NAALADL2: variants seen among roughly 807,000 people sequenced by gnomAD.
NAALADL2 encodes the protein N-acetylated alpha-linked acidic dipeptidase like 2.
Under a neutral mutation model 87.2 loss-of-function variants are expected in NAALADL2, and 76 were observed. That is an observed-to-expected ratio of 0.87 (90% CI 0.72 to 1.05). The LOEUF is 1.05. Ranked by LOEUF, NAALADL2 falls within the 50% of genes least tolerant of loss-of-function variation. The probability of loss-of-function intolerance (pLI) is 0.00; values close to 1 mark genes in which losing one functional copy is unlikely to be tolerated. For synonymous variants in NAALADL2, 354 were observed against 331.0 expected (o/e 1.07, Z -0.75); for missense variants, 1,089 against 945.8 (o/e 1.15, Z -1.99).
At chr3:174,538,524 TG>T (rs1311155147) in intron 1 of NAALADL2, among the ~76,000 whole-genome samples, 1 of 152,160 alleles carries the variant, frequency 6.6e-6, no homozygotes, top group Non-Finnish European at 1.5e-5. Flanking sequence ...GAAATGACTC[TG>T]CAAAGCTGTC....
chr3:174,719,787 G>T (rs1357765314), intron 2 of NAALADL2, among the ~76,000 whole-genome samples: 1 of 152,114 alleles, frequency 6.6e-6, no homozygotes, highest in Non-Finnish European at 1.5e-5. Flanking sequence ...GAATTTGGCA[G>T]TAAACTTATT....
intron 10 of NAALADL2, among the ~76,000 whole-genome samples, chr3:175,621,942 T>C (rs1237294023): frequency 6.6e-6 from 1 of 152,168 alleles, no homozygotes; most frequent in African/African-American, 2.4e-5. Flanking sequence ...CAGAAATTGC[T>C]ATTATTGAAC....
intron 1 of NAALADL2, among the ~76,000 whole-genome samples, chr3:174,949,421 C>T (rs1038408539): frequency 3.3e-5 from 5 of 152,238 alleles, no homozygotes; most frequent in African/African-American, 1.2e-4. Flanking sequence ...GATACCATCT[C>T]TTAGTAGGTA....
chr3:174,952,819 C>A (rs1178783801), intron 1 of NAALADL2, among the ~76,000 whole-genome samples: 2 of 152,044 alleles, frequency 1.3e-5, no homozygotes, highest in Non-Finnish European at 2.9e-5. Flanking sequence ...GTAGGGCAAC[C>A]ATATGTCACT....
At chr3:175,450,846 T>C (rs1038164308) in intron 6 of NAALADL2, among the ~76,000 whole-genome samples, 2 of 152,124 alleles carry the variant, frequency 1.3e-5, no homozygotes, top group Non-Finnish European at 2.9e-5. Flanking sequence ...CAAGACTCAG[T>C]TTACAAACTT....
intron 2 of NAALADL2, among the ~76,000 whole-genome samples, chr3:174,683,325 T>G (rs531499478): frequency 4.1e-4 from 62 of 152,214 alleles, no homozygotes; most frequent in African/African-American, 1.4e-3. Context: ...TAGAGAGAGA[T>G]ACAGGTAGAA....
intron 11 of NAALADL2, among the ~76,000 whole-genome samples, chr3:175,686,263 G>A (rs1279963663): frequency 6.6e-6 from 1 of 152,152 alleles, no homozygotes; most frequent in Non-Finnish European, 1.5e-5. Flanking sequence ...CTTTAATTGT[G>A]AAGTATATTA....
intron 10 of NAALADL2, among the ~76,000 whole-genome samples, chr3:175,610,322 T>C (rs1270216492): frequency 6.6e-6 from 1 of 152,146 alleles, no homozygotes; most frequent in African/African-American, 2.4e-5. Flanking sequence ...TGTTCTCTCT[T>C]CTTTTTTGTT....
intron 9 of NAALADL2, among the ~76,000 whole-genome samples, chr3:175,555,889 G>A (rs1006405659): frequency 2.7e-5 from 4 of 150,730 alleles, no homozygotes; most frequent in Non-Finnish European, 6.0e-5. Flanking sequence ...TTTACCTTCT[G>A]TTGAATGTTT....
chr3:175,534,037 T>TATAAATAAATTATTTATTTATA (rs1435262560), intron 9 of NAALADL2, among the ~76,000 whole-genome samples: 9 of 149,704 alleles, frequency 6.0e-5, no homozygotes, highest in African/African-American at 2.0e-4. Context: ...ATTTATTTAT[T>TATAAATAAATTATTTATTTATA]ATAAATAAAT....
At chr3:175,318,479 AT>A (rs910385788) in intron 4 of NAALADL2, among the ~76,000 whole-genome samples, 24 of 152,092 alleles carry the variant, frequency 1.6e-4, no homozygotes, top group African/African-American at 2.6e-4. Context: ...CGAAGTTTTT[AT>A]TTTTTTCCTC....
intron 1 of NAALADL2, among the ~76,000 whole-genome samples, chr3:174,888,094 C>A (rs1377937869): frequency 2.0e-5 from 3 of 152,074 alleles, no homozygotes; most frequent in Non-Finnish European, 4.4e-5. Context: ...TGAAATAAGC[C>A]AGCAATGTGA....
intron 1 of NAALADL2, among the ~76,000 whole-genome samples, chr3:175,092,495 C>A (rs1173111830): frequency 6.6e-6 from 1 of 151,800 alleles, no homozygotes; most frequent in Non-Finnish European, 1.5e-5. Flanking sequence ...ATTTGCCAGA[C>A]ACTGTGTTAG....
intron 2 of NAALADL2, among the ~76,000 whole-genome samples, chr3:175,120,670 T>A (rs1203131149): frequency 1.3e-5 from 2 of 151,868 alleles, no homozygotes; most frequent in African/African-American, 4.8e-5. Flanking sequence ...ACTTTTGCTA[T>A]GTCTAGATGA....
chr3:174,798,676 CTA>C (rs1362976150), intron 3 of NAALADL2, among the ~76,000 whole-genome samples: 12 of 151,350 alleles, frequency 7.9e-5, no homozygotes, highest in African/African-American at 2.9e-4. Context: ...TTTTTTGATG[CTA>C]TGTTAAATGA....
intron 10 of NAALADL2, among the ~76,000 whole-genome samples, chr3:175,610,981 A>G (rs1217589496): frequency 2.0e-5 from 3 of 152,100 alleles, no homozygotes. Flanking sequence ...GGTGATATCA[A>G]GATCCCAATA....
At chr3:174,908,221 A>G (rs911730853) in intron 1 of NAALADL2, among the ~76,000 whole-genome samples, 21 of 152,012 alleles carry the variant, frequency 1.4e-4, no homozygotes, top group African/African-American at 4.1e-4. Context: ...TCCTATTACT[A>G]TGCACTGTTG....
chr3:174,625,537 G>A (rs1721490029), intron 2 of NAALADL2, among the ~76,000 whole-genome samples: 1 of 150,948 alleles, frequency 6.6e-6, no homozygotes, highest in Admixed American at 6.6e-5. Context: ...AAAAATCCAA[G>A]TGATACAAAA....
chr3:175,064,797 ACT>A (rs1044657630), intron 1 of NAALADL2, among the ~76,000 whole-genome samples: 1 of 151,392 alleles, frequency 6.6e-6, no homozygotes, highest in Non-Finnish European at 1.5e-5. Context: ...GCCAGTGAAA[ACT>A]CTCTGCGTAG....
Sources: gnomAD v4.1 joint callset for allele counts (sites outside exome capture counted in the v4.1 genomes callset) on GRCh38, gnomAD v4.1.1 for gene constraint, MANE v1.5 for transcripts, NCBI Gene and HGNC (gene_info 2026-07-23, HGNC 2026-07-21) for gene names.